The following PRKCE variants were observed in gnomAD, a reference collection of about 807,000 sequenced individuals.
PRKCE encodes protein kinase C epsilon.
Under a neutral mutation model 85.4 loss-of-function variants are expected in PRKCE, and 16 were observed. The observed-to-expected ratio is 0.19, with a 90% CI of 0.13 to 0.28. The LOEUF (loss-of-function observed/expected upper bound fraction) is 0.28. Ranked by LOEUF, PRKCE falls within the 10% of genes least tolerant of loss-of-function variation. PRKCE has a pLI of 1.00. For synonymous variants in PRKCE, 388 were observed against 371.5 expected (o/e 1.04, Z -0.51); for missense variants, 573 against 975.2 (o/e 0.59, Z 5.49).
chr2:45,980,225 C>G, intron 4 of PRKCE, 71 bp from the exon 5 acceptor site: 1 of 1,486,054 alleles, frequency 6.7e-7, no homozygotes, highest in Admixed American at 1.7e-5. Flanking sequence ...CCACCAAGCC[C>G]TGAATAGATC....
intron 1 of PRKCE, among the ~76,000 whole-genome samples, chr2:45,815,882 C>T (rs1046662719): frequency 6.6e-6 from 1 of 152,170 alleles, no homozygotes; most frequent in East Asian, 1.9e-4. Context: ...CAGTTTCTCA[C>T]CTGTTAAGTG....
intron 1 of PRKCE, among the ~76,000 whole-genome samples, chr2:45,789,182 T>C (rs1011791256): frequency 6.6e-6 from 1 of 152,008 alleles, no homozygotes; most frequent in Non-Finnish European, 1.5e-5. Flanking sequence ...GGAGGATTGC[T>C]TGAGGACAGG....
At chr2:46,097,094 A>T (rs550854231) in intron 11 of PRKCE, among the ~76,000 whole-genome samples, 1 of 152,240 alleles carries the variant, frequency 6.6e-6, no homozygotes, top group African/African-American at 2.4e-5. Context: ...AAGGGCCCAG[A>T]TCTCACAACC....
At chr2:46,087,071 A>G (rs1574435759) in intron 11 of PRKCE, among the ~76,000 whole-genome samples, 2 of 152,214 alleles carry the variant, frequency 1.3e-5, no homozygotes, top group African/African-American at 4.8e-5. Context: ...AGGATACTCA[A>G]GTTCCTTAAG....
At chr2:45,996,373 G>C (rs1704218452) in intron 6 of PRKCE, among the ~76,000 whole-genome samples, 1 of 151,888 alleles carries the variant, frequency 6.6e-6, no homozygotes, top group Non-Finnish European at 1.5e-5. Context: ...TTGTCTTACT[G>C]CATTAGTTAG....
chr2:46,021,324 G>C (rs568172313), intron 10 of PRKCE, among the ~76,000 whole-genome samples: 1 of 152,220 alleles, frequency 6.6e-6, no homozygotes, highest in Non-Finnish European at 1.5e-5. Context: ...TGAAGATATT[G>C]TGGGAAATGA....
intron 2 of PRKCE, among the ~76,000 whole-genome samples, chr2:45,963,888 C>G (rs979363103): frequency 6.6e-6 from 1 of 152,232 alleles, no homozygotes; most frequent in African/African-American, 2.4e-5. Context: ...AGTTGGCTCA[C>G]TGCGGTAGTC....
chr2:46,034,787 A>G (rs1707754359), intron 10 of PRKCE, among the ~76,000 whole-genome samples: 1 of 152,256 alleles, frequency 6.6e-6, no homozygotes, highest in South Asian at 2.1e-4. Context: ...TGGGAAGATT[A>G]GAGATATTAT....
intron 10 of PRKCE, among the ~76,000 whole-genome samples, chr2:46,048,889 G>C (rs143009409): frequency 7.2e-4 from 109 of 152,262 alleles, no homozygotes; most frequent in African/African-American, 2.6e-3. Context: ...AATGCACTCT[G>C]CACTTTCCTA....
intron 1 of PRKCE, among the ~76,000 whole-genome samples, chr2:45,766,760 C>T (rs1003504129): frequency 1.3e-5 from 2 of 152,192 alleles, no homozygotes; most frequent in African/African-American, 4.8e-5. Flanking sequence ...AAAGTCTGGG[C>T]CGGGCACGGA....
intron 1 of PRKCE, among the ~76,000 whole-genome samples, chr2:45,798,701 CTT>C (rs1486535681): frequency 6.7e-6 from 1 of 149,452 alleles, no homozygotes; most frequent in East Asian, 1.9e-4. Flanking sequence ...TTTCCTAAGT[CTT>C]TATTAAATCG....
At chr2:45,750,932 C>T (rs905381818) in intron 1 of PRKCE, among the ~76,000 whole-genome samples, 7 of 152,168 alleles carry the variant, frequency 4.6e-5, no homozygotes, top group African/African-American at 1.2e-4. Flanking sequence ...ACCAGAGTGT[C>T]ACTATCACGC....
intron 2 of PRKCE, among the ~76,000 whole-genome samples, chr2:45,924,648 A>C: frequency 6.6e-6 from 1 of 152,248 alleles, no homozygotes; most frequent in East Asian, 1.9e-4. Flanking sequence ...GTTACCACAC[A>C]TAAACATATG....
intron 2 of PRKCE, among the ~76,000 whole-genome samples, chr2:45,930,264 A>G (rs2104034064): frequency 6.6e-6 from 1 of 152,346 alleles, no homozygotes; most frequent in South Asian, 2.1e-4. Context: ...TGGAAAGCGC[A>G]TGGATTAGAG....
At chr2:45,859,104 C>T (rs1471569217) in intron 2 of PRKCE, among the ~76,000 whole-genome samples, 1 of 151,662 alleles carries the variant, frequency 6.6e-6, no homozygotes, top group African/African-American at 2.4e-5. Flanking sequence ...TAGTATCATC[C>T]TATGTTTCAT....
intron 2 of PRKCE, among the ~76,000 whole-genome samples, chr2:45,942,449 G>A (rs1230855503): frequency 2.6e-5 from 4 of 152,194 alleles, no homozygotes; most frequent in Non-Finnish European, 4.4e-5. Context: ...CAAGTCTCTT[G>A]TAAATGTTAT....
rs554596488 is a variant in PRKCE at position 46,109,033 on chromosome 2, C to T, written c.1592+22671C>T. Among the ~76,000 whole-genome samples, 36 of 152,038 alleles carry T rather than the reference C, an allele frequency of 2.4e-4. No individual in the cohort carries two copies. The South Asian group carries it at 7.5e-3, about 32-fold the overall frequency. Reference sequence around the variant, plus strand: ...GTATTTGAGTCTATTTTGAGGCTTTCTATTCTGTTTCATTGATCTTTGTGT... The same window carrying T: ...GTATTTGAGTCTATTTTGAGGCTTTTTATTCTGTTTCATTGATCTTTGTGT... On this transcript the variant is annotated intron_variant, in intron 11 of 14. Coordinates refer to ENST00000306156, the MANE Select transcript of PRKCE (RefSeq NM_005400.3).
At chr2:46,149,204 C>T (rs1042228293) in intron 12 of PRKCE, among the ~76,000 whole-genome samples, 10 of 152,160 alleles carry the variant, frequency 6.6e-5, no homozygotes, top group Admixed American at 5.2e-4. Flanking sequence ...TCTTCCCTGG[C>T]CACCATGAAA....
intron 1 of PRKCE, among the ~76,000 whole-genome samples, chr2:45,690,639 T>C (rs1218384022): frequency 6.6e-6 from 1 of 152,258 alleles, no homozygotes; most frequent in Non-Finnish European, 1.5e-5. Flanking sequence ...AAAAAGTCAT[T>C]TGGGGTTACA....
Sources: allele counts gnomAD v4.1 joint callset (sites outside exome capture counted in the v4.1 genomes callset), GRCh38; gene constraint gnomAD v4.1.1; transcripts MANE v1.5; gene names NCBI Gene and HGNC (gene_info 2026-07-23, HGNC 2026-07-21).